The following TBC1D24 variants were observed in gnomAD, a reference collection of about 807,000 sequenced individuals.
TBC1D24 encodes the protein Infantile myoclonic epilepsy.
A neutral mutation model predicts 50.7 loss-of-function variants in TBC1D24; 47 were observed. That is an observed-to-expected ratio of 0.93 (90% CI 0.73 to 1.18). The LOEUF is 1.18. Ranked by LOEUF, TBC1D24 falls within the 50% of genes most tolerant of loss-of-function variation. The pLI, the probability that TBC1D24 is intolerant of heterozygous loss-of-function variation, is 0.00. For missense variants in TBC1D24, 688 were observed against 766.5 expected, an observed-to-expected ratio of 0.90 and a Z score of 1.21; for synonymous variants, 324 against 335.2, an observed-to-expected ratio of 0.97 and a Z score of 0.36.
At chr16:2,491,180 G>A (rs948188216) in intron 1 of TBC1D24, among the ~76,000 whole-genome samples, 3 of 152,158 alleles carry the variant, frequency 2.0e-5, no homozygotes, top group African/African-American at 7.2e-5. Flanking sequence ...TGTGAATAGC[G>A]ATTATCTGTA....
rs1021608042 is a variant in TBC1D24, at chr16:2,496,427, C to T, written c.279C>T (p.Pro93=). The part of the protein sequence containing the change: ...GKHSSSCLPL[P]EFVDNTQVPS... ...ACAGCAGCAGCTGCCTGCCGCTGCCCGAGTTCGTGGACAACACGCAGGTGC... is the reference window on the plus strand; with the variant it reads ...ACAGCAGCAGCTGCCTGCCGCTGCCTGAGTTCGTGGACAACACGCAGGTGC... The change falls in exon 2 of 8, where the codon CCC becomes CCT. Residue 93 remains proline, a synonymous_variant. Transcript: ENST00000646147. The T allele has an allele frequency of 1.9e-5, 31 of 1,612,740 alleles. 2 individuals carry two copies. The highest frequency in any genetic ancestry group is 5.5e-5 in the South Asian group (5 of 91,088).
At chr16:2,497,574 C>T (rs778144143) in intron 2 of TBC1D24, 136 bp from the exon 3 acceptor site, 10 of 843,574 alleles carry the variant, frequency 1.2e-5, no homozygotes, top group East Asian at 8.0e-5. Flanking sequence ...GATGGTGCCA[C>T]GCTGCGGCCT....
chr16:2,485,774 C>A lies in TBC1D24; in HGVS notation c.-115-10260C>A. Among the ~76,000 whole-genome samples, 1 of 152,352 alleles carries A rather than the reference C, an allele frequency of 6.6e-6. No individual in the cohort carries two copies. Among genetic ancestry groups the A allele is most frequent in the East Asian group, 1.9e-4 (1 of 5,190 alleles). On this transcript the variant is annotated intron_variant, in intron 1 of 7. Coordinates refer to ENST00000646147, the MANE Select transcript of TBC1D24 (RefSeq NM_001199107.2). This position sits in a 1 kb window ranked among gnomAD's most constrained non-coding sequence, Gnocchi z 4.6. ...TTGCTGCCGGGAGAAACCCCCGCAT[C>A]TTCTGGGTCGCAGATCCTGTGCCGA... is the stretch of plus-strand genomic sequence containing the variant.
chr16:2,492,963 A>C (rs1021060727), intron 1 of TBC1D24, among the ~76,000 whole-genome samples: 4 of 151,830 alleles, frequency 2.6e-5, no homozygotes, highest in African/African-American at 9.7e-5. Flanking sequence ...GTGGTGGCAC[A>C]TGCCTGTAAT....
At position 2,482,377 on chromosome 16, in the gene TBC1D24, C is replaced by G. The variant is rs185896707; in HGVS notation, c.-116+7207C>G. On this transcript the variant is annotated intron_variant, in intron 1 of 7. Coordinates refer to ENST00000646147, the MANE Select transcript of TBC1D24 (RefSeq NM_001199107.2). This position sits in a 1 kb window ranked among gnomAD's most constrained non-coding sequence, Gnocchi z 5.2. ...ACAGGAGGCGTGGAGCTCTGTGACG[C>G]CTTGGCCCTGCCCCAGAGGTCCCAT... Among the ~76,000 whole-genome samples, 2 of 152,184 alleles carry G rather than the reference C, an allele frequency of 1.3e-5. No individual in the cohort carries two copies. The highest frequency in any genetic ancestry group is 2.1e-4 in the South Asian group (1 of 4,812).
rs1202884792 is a variant in TBC1D24 at position 2,486,625 on chromosome 16, G to A, written c.-115-9409G>A. The stretch of plus-strand genomic sequence containing the variant: ...GACAGGGCTGCCTCTTGCCCAGGGG[G>A]CTGCAGTTGGCCCCTTGGTGGCATC... On this transcript the variant is annotated intron_variant, in intron 1 of 7. Transcript: ENST00000646147. The surrounding 1 kb of genome is among the most constrained non-coding windows in gnomAD (Gnocchi z 5.8). Among the ~76,000 whole-genome samples, 1 of 152,246 alleles carries A rather than the reference G, an allele frequency of 6.6e-6. No individual in the cohort carries two copies. Among genetic ancestry groups the A allele is most frequent in the Non-Finnish European group, 1.5e-5 (1 of 68,042 alleles).
At position 2,496,515 on chromosome 16, in the gene TBC1D24, A is replaced by G. The variant is rs1360733935; in HGVS notation, c.367A>G (p.Asn123Asp). The change falls in exon 2 of 8, where the codon AAC becomes GAC. Residue 123 changes from asparagine (N) to aspartate (D), a missense_variant. Coordinates refer to ENST00000646147, the MANE Select transcript of TBC1D24 (RefSeq NM_001199107.2). ...AVRKILLCLA[N>D]QFPDISFCPA... is the part of the protein sequence containing the mutation. ...GCGCAAGATCCTCCTGTGCCTGGCCAACCAGTTCCCCGACATCTCCTTCTG... is the reference window on the plus strand; with the variant it reads ...GCGCAAGATCCTCCTGTGCCTGGCCGACCAGTTCCCCGACATCTCCTTCTG... 1 of 1,609,164 alleles carries G rather than the reference A, an allele frequency of 6.2e-7. No individual in the cohort carries two copies. The highest frequency in any genetic ancestry group is 8.5e-7 in the Non-Finnish European group (1 of 1,179,948).
In TBC1D24 at chr16:2,486,300, G is replaced by A. The variant is rs1050353788; in HGVS notation, c.-115-9734G>A. Reference sequence around the variant, plus strand: ...TTGGCGTTCCCCACCCATGGGGCCCGGCCTCATTTCCTCTTCCTCTTCATT... The same window carrying A: ...TTGGCGTTCCCCACCCATGGGGCCCAGCCTCATTTCCTCTTCCTCTTCATT... On this transcript the variant is annotated intron_variant, in intron 1 of 7. Transcript: ENST00000646147. This position sits in a 1 kb window ranked among gnomAD's most constrained non-coding sequence, Gnocchi z 5.8. Among the ~76,000 whole-genome samples, 9 of 152,172 alleles carry A rather than the reference G, an allele frequency of 5.9e-5. No homozygotes were observed. The highest frequency in any genetic ancestry group is 1.4e-4 in the African/African-American group (6 of 41,432).
At position 2,496,838 on chromosome 16, in the gene TBC1D24, C is replaced by T. The variant is rs749531792; in HGVS notation, c.690C>T (p.Asp230=). The change falls in exon 2 of 8, where the codon GAC becomes GAT. Residue 230 remains aspartate (D), a synonymous_variant. Transcript: ENST00000646147. The stretch of plus-strand genomic sequence containing the variant: ...TCTGCTACTTCGCCCGGGTCTTTGA[C>T]GTCTTCCTGGTGGAGGGCTACAAGG... ...LPLCYFARVF[D]VFLVEGYKVL... The T allele has an allele frequency of 1.5e-5, 24 of 1,613,988 alleles. No individual in the cohort carries two copies. The highest frequency in any genetic ancestry group is 2.7e-5 in the African/African-American group (2 of 74,932).
At position 2,475,609 on chromosome 16, in the gene TBC1D24, C is replaced by A. The variant is rs2065560783; in HGVS notation, c.-116+439C>A. Among the ~76,000 whole-genome samples the A allele has an allele frequency of 6.6e-6, 1 of 152,032 alleles. No individual in the cohort carries two copies. The highest frequency in any genetic ancestry group is 2.1e-4 in the South Asian group (1 of 4,810). On this transcript the variant is annotated intron_variant, in intron 1 of 7. Coordinates refer to ENST00000646147, the MANE Select transcript of TBC1D24 (RefSeq NM_001199107.2). The surrounding 1 kb of genome is among the most constrained non-coding windows in gnomAD (Gnocchi z 4.2). ...GTGGACCTGCAGCGGCCCCGGGCCC[C>A]GCCCCGCCCCGCCCAGGGATGACAC...
In TBC1D24 at chr16:2,500,666, C is replaced by A; in HGVS notation, c.1526-138C>A. On this transcript the variant is annotated intron_variant, in intron 7 of 7. Transcript: ENST00000646147. The surrounding 1 kb of genome is among the most constrained non-coding windows in gnomAD (Gnocchi z 8.0). The stretch of plus-strand genomic sequence containing the variant: ...GAGAGACCAGCCTGGACAGCTGGTC[C>A]TGGGGGCTATGGAGGGTCAACGGTC... 7.4e-7 allele frequency: 1 copy of A among 1,350,056 alleles called. No homozygotes were observed. 83.6% of individuals were successfully genotyped at this position (1,350,056 alleles called of 1,614,324 possible).
In TBC1D24 at chr16:2,503,149, G is replaced by C. The variant is rs919263881; in HGVS notation, c.*2191G>C. On this transcript the variant is annotated 3_prime_UTR_variant, in exon 8 of 8. Coordinates refer to ENST00000646147, the MANE Select transcript of TBC1D24 (RefSeq NM_001199107.2). ...GGCTGCCCCCAGGGGGCCCCACCCG[G>C]GCCTTCCAGTGATCTGGACCAGGAA... 1 of 152,250 alleles carries C rather than the reference G, an allele frequency of 6.6e-6. No homozygotes were observed. Among genetic ancestry groups the C allele is most frequent in the Non-Finnish European group, 1.5e-5 (1 of 68,040 alleles). The allele number at this position is 152,250 out of a possible 1,614,324, so 9.4% of individuals were successfully genotyped here.
In TBC1D24 at chr16:2,492,807, T is replaced by A. The variant is rs928209498; in HGVS notation, c.-115-3227T>A. ...GGCAAGGTTTTTCCAGTGGGATACATTAAAATCAACTTCGGTGGCTCACGC... is the reference window on the plus strand; with the variant it reads ...GGCAAGGTTTTTCCAGTGGGATACAATAAAATCAACTTCGGTGGCTCACGC... On this transcript the variant is annotated intron_variant, in intron 1 of 7. Transcript: ENST00000646147. Among the ~76,000 whole-genome samples, 3 of 152,146 alleles carry A rather than the reference T, an allele frequency of 2.0e-5. No individual in the cohort carries two copies. In the East Asian group the frequency reaches 5.8e-4, roughly 29 times the overall value.
At chr16:2,476,576 G>A (rs1331353383) in intron 1 of TBC1D24, 1 of 152,260 alleles carries the variant, frequency 6.6e-6, no homozygotes, top group Non-Finnish European at 1.5e-5. Context: ...GACTTATTGG[G>A]GAGTGCTTGC....
At chr16:2,492,792 T>C (rs1277605132) in intron 1 of TBC1D24, among the ~76,000 whole-genome samples, 1 of 152,150 alleles carries the variant, frequency 6.6e-6, no homozygotes, top group Non-Finnish European at 1.5e-5. Flanking sequence ...GGCAAGGTTT[T>C]TCCAGTGGGA....
chr16:2,495,183 T>C (rs964117594), intron 1 of TBC1D24, among the ~76,000 whole-genome samples: 3 of 152,118 alleles, frequency 2.0e-5, no homozygotes, highest in African/African-American at 7.2e-5. Context: ...CAAAATCTCG[T>C]CTCTACTAAA....
Position 2,496,760 on chromosome 16 carries a change from T to C in TBC1D24, c.612T>C (p.Asp204=). The change falls in exon 2 of 8, where the codon GAT becomes GAC. Residue 204 remains aspartate, a synonymous_variant. Coordinates refer to ENST00000646147, the MANE Select transcript of TBC1D24 (RefSeq NM_001199107.2). ...AGCTGATGGTGGCCGTGTCGGAGGA[T>C]GTCCTGCAGGTCTATGCGGACTGGC... ...AHKLMVAVSE[D]VLQVYADWQR... is the part of the protein sequence containing the mutation. 1 of 1,613,944 alleles carries C rather than the reference T, an allele frequency of 6.2e-7. No homozygotes were observed. The highest frequency in any genetic ancestry group is 1.1e-5 in the South Asian group (1 of 91,080).
rs1206381980 is a variant in TBC1D24 at position 2,475,196 on chromosome 16, G to A, written c.-116+26G>A. On this transcript the variant is annotated intron_variant, in intron 1 of 7. Coordinates refer to ENST00000646147, the MANE Select transcript of TBC1D24 (RefSeq NM_001199107.2). The surrounding 1 kb of genome is among the most constrained non-coding windows in gnomAD (Gnocchi z 4.2). ...GTGGGTGCGCTCGGGGCGTGCGGGG[G>A]GCGCGCGGCGGGGTGGCGGGTGGCG... 1 of 149,288 alleles carries A rather than the reference G, an allele frequency of 6.7e-6. No individual in the cohort carries two copies. 9.2% of individuals were successfully genotyped at this position (149,288 alleles called of 1,614,324 possible).
chr16:2,499,277 C>T lies in TBC1D24; in HGVS notation c.1143-80C>T, dbSNP rs1474783897. On this transcript the variant is annotated intron_variant, in intron 4 of 7. Transcript: ENST00000646147. The surrounding 1 kb of genome is among the most constrained non-coding windows in gnomAD (Gnocchi z 4.0). ...CAGTTCCCAGGTCTTCGCCCCAAGA[C>T]AGCTGGGGCCAGCGGAGGCTGCAGG... The T allele has an allele frequency of 7.5e-7, 1 of 1,331,830 alleles. No individual in the cohort carries two copies. The highest frequency in any genetic ancestry group is 1.1e-6 in the Non-Finnish European group (1 of 940,916). The allele number at this position is 1,331,830 out of a possible 1,614,324, so 82.5% of individuals were successfully genotyped here.
Sources: gnomAD v4.1 joint callset for allele counts (sites outside exome capture counted in the v4.1 genomes callset) on GRCh38, gnomAD v4.1.1 for gene constraint, Gnocchi (gnomAD v3.1) non-coding constraint, MANE v1.5 for transcripts, NCBI Gene and HGNC (gene_info 2026-07-23, HGNC 2026-07-21) for gene names.